The following RBFOX1 variants were observed in gnomAD, a reference collection of about 807,000 sequenced individuals.
RBFOX1 encodes the protein RNA binding fox-1 homolog 1.
Under a neutral mutation model 57.7 loss-of-function variants are expected in RBFOX1, and 8 were observed. The ratio of observed to expected loss-of-function variants is 0.14; its 90% CI spans 0.08 to 0.25. The LOEUF (loss-of-function observed/expected upper bound fraction) is 0.25, where lower values mean the gene tolerates loss of function less well. Ranked by LOEUF, RBFOX1 falls within the 10% of genes least tolerant of loss-of-function variation. The pLI is 1.00. For synonymous variants in RBFOX1, 326 were observed against 222.4 expected (o/e 1.47, Z -4.15); for missense variants, 611 against 548.5 (o/e 1.11, Z -1.14).
At chr16:5,705,873 G>C (rs1265238843) in intron 3 of RBFOX1, among the ~76,000 whole-genome samples, 3 of 152,154 alleles carry the variant, frequency 2.0e-5, no homozygotes, top group Non-Finnish European at 4.4e-5. Context: ...GTGCCTGATA[G>C]ATGTTTCTCA....
chr16:5,937,443 T>TG (rs2059189612), intron 4 of RBFOX1, among the ~76,000 whole-genome samples: 1 of 152,122 alleles, frequency 6.6e-6, no homozygotes, highest in Non-Finnish European at 1.5e-5. Context: ...TTTATTTCTG[T>TG]TTGGGAGAGT....
At chr16:6,283,256 G>A (rs1036083857) in intron 1 of RBFOX1, among the ~76,000 whole-genome samples, 1 of 152,112 alleles carries the variant, frequency 6.6e-6, no homozygotes, top group African/African-American at 2.4e-5. Flanking sequence ...GAACCCCGGA[G>A]GTTGAGCCTA....
chr16:7,208,928 C>T (rs764570983), intron 4 of RBFOX1, among the ~76,000 whole-genome samples: 3 of 152,036 alleles, frequency 2.0e-5, no homozygotes, highest in South Asian at 2.1e-4. Context: ...CCCTTCCTGG[C>T]GGGCATTAAT....
intron 2 of RBFOX1, among the ~76,000 whole-genome samples, chr16:6,458,460 G>A (rs961875573): frequency 3.3e-5 from 5 of 152,206 alleles, no homozygotes; most frequent in African/African-American, 1.2e-4. Flanking sequence ...CACGGAAAGA[G>A]CTTGCCATGA....
chr16:6,381,960 C>G (rs1290975289), intron 2 of RBFOX1, among the ~76,000 whole-genome samples: 1 of 152,194 alleles, frequency 6.6e-6, no homozygotes, highest in Non-Finnish European at 1.5e-5. Flanking sequence ...TAGGAAAAGG[C>G]TCTGCAAAGT....
At chr16:7,554,262 A>G (rs2087572215) in intron 5 of RBFOX1, among the ~76,000 whole-genome samples, 1 of 152,248 alleles carries the variant, frequency 6.6e-6, no homozygotes, top group Non-Finnish European at 1.5e-5. Flanking sequence ...AGAAATATTT[A>G]GTCATAGCAG....
intron 1 of RBFOX1, among the ~76,000 whole-genome samples, chr16:5,316,585 A>G (rs1001997891): frequency 2.0e-5 from 3 of 152,214 alleles, no homozygotes; most frequent in Non-Finnish European, 2.9e-5. Context: ...CACGTTGCTG[A>G]GCCTCATTTT....
At chr16:7,005,195 C>T (rs1596675837) in intron 3 of RBFOX1, among the ~76,000 whole-genome samples, 1 of 144,370 alleles carries the variant, frequency 6.9e-6, no homozygotes, top group Non-Finnish European at 1.5e-5. Context: ...AAACACATAT[C>T]CTCACCTTTT....
At chr16:5,503,828 ACT>A (rs1372704092) in intron 2 of RBFOX1, among the ~76,000 whole-genome samples, 4 of 151,238 alleles carry the variant, frequency 2.6e-5, no homozygotes, top group Admixed American at 6.6e-5. Context: ...CCCCAAAGAA[ACT>A]CTCTACTCTT....
At chr16:6,899,150 C>A (rs558307141) in intron 3 of RBFOX1, among the ~76,000 whole-genome samples, 53 of 146,246 alleles carry the variant, frequency 3.6e-4, no homozygotes, top group African/African-American at 1.3e-3. Flanking sequence ...TATGGACACA[C>A]GTGTATGTAA....
intron 4 of RBFOX1, among the ~76,000 whole-genome samples, chr16:7,355,792 C>A (rs115610408): frequency 0.013 from 2,022 of 152,342 alleles, 49 homozygotes; most frequent in African/African-American, 0.045. Context: ...CATCATCAAT[C>A]TTTTAAGTTT....
At chr16:6,615,041 T>A (rs1368728401) in intron 2 of RBFOX1, among the ~76,000 whole-genome samples, 6 of 152,196 alleles carry the variant, frequency 3.9e-5, no homozygotes, top group African/African-American at 1.4e-4. Context: ...CATAAGATGA[T>A]CTGTGAGCCC....
intron 4 of RBFOX1, among the ~76,000 whole-genome samples, chr16:7,095,913 T>C (rs1255994120): frequency 6.7e-6 from 1 of 149,144 alleles, no homozygotes; most frequent in East Asian, 2.0e-4. Flanking sequence ...CTTGGGAGGC[T>C]GAGGCAGGAG....
intron 4 of RBFOX1, among the ~76,000 whole-genome samples, chr16:7,063,202 G>C (rs894598871): frequency 6.6e-6 from 1 of 152,020 alleles, no homozygotes; most frequent in Admixed American, 6.6e-5. Context: ...TTTTGGGTCA[G>C]TTCTCAGTCA....
chr16:6,401,958 C>A (rs1161346970), intron 2 of RBFOX1, among the ~76,000 whole-genome samples: 2 of 151,752 alleles, frequency 1.3e-5, no homozygotes, highest in Admixed American at 6.6e-5. Context: ...AGATTAAGAT[C>A]GTAACTGATC....
chr16:7,457,044 C>T lies in RBFOX1; in HGVS notation c.28-61103C>T, dbSNP rs749734734. On this transcript the variant is annotated intron_variant, in intron 4 of 15. Transcript: ENST00000550418. ...CTGGGATTGCAGGCACGCACCACCA[C>T]GCCCGGCTAATTTTGTATTTTTAGT... Among the ~76,000 whole-genome samples, 6 of 152,088 alleles carry T rather than the reference C, an allele frequency of 3.9e-5. No individual in the cohort carries two copies. In the East Asian group the frequency reaches 5.8e-4, roughly 15 times the overall value.
chr16:7,451,796 A>T (rs750266710), intron 4 of RBFOX1, among the ~76,000 whole-genome samples: 1 of 151,564 alleles, frequency 6.6e-6, no homozygotes. Context: ...TTCAGCTGAG[A>T]CCACTGGCCA....
chr16:6,491,064 A>G (rs755313482), intron 2 of RBFOX1, among the ~76,000 whole-genome samples: 1 of 152,084 alleles, frequency 6.6e-6, no homozygotes, highest in Non-Finnish European at 1.5e-5. Flanking sequence ...TGTAGATACT[A>G]TCTATTAGTA....
intron 2 of RBFOX1, among the ~76,000 whole-genome samples, chr16:6,632,041 A>G (rs971609757): frequency 2.6e-5 from 4 of 152,144 alleles, no homozygotes; most frequent in African/African-American, 7.2e-5. Context: ...TAATGTTTGG[A>G]TAATGTTTGG....
Sources: allele counts gnomAD v4.1 joint callset (sites outside exome capture counted in the v4.1 genomes callset), GRCh38; gene constraint gnomAD v4.1.1; transcripts MANE v1.5; gene names NCBI Gene and HGNC (gene_info 2026-07-23, HGNC 2026-07-21).